ANGPTL8: variants seen among roughly 807,000 people sequenced by gnomAD.
The protein encoded by ANGPTL8 is angiopoietin-like protein 8.
Under a neutral mutation model 22.6 loss-of-function variants are expected in ANGPTL8, and 24 were observed. The observed-to-expected ratio is 1.06, with a 90% CI of 0.77 to 1.49. The LOEUF is 1.49. Among genes scored for constraint, ANGPTL8 ranks in the 40% most tolerant of loss-of-function variants. The pLI is 0.00. For synonymous variants in ANGPTL8, 88 were observed against 113.4 expected, an observed-to-expected ratio of 0.78 and a Z score of 1.42; for missense variants, 230 against 259.6, an observed-to-expected ratio of 0.89 and a Z score of 0.78.
Position 11,239,722 on chromosome 19 carries a change from C to G in ANGPTL8, c.85C>G (p.Leu29Val). 1 of 1,613,548 alleles carries G rather than the reference C, an allele frequency of 6.2e-7. No homozygotes were observed. The highest frequency in any genetic ancestry group is 8.5e-7 in the Non-Finnish European group (1 of 1,179,800). Residue 29 changes from leucine to valine, a missense_variant, in exon 1 of 4, where the codon CTG becomes GTG. Transcript: ENST00000252453. ...ASAAPMGGPE[L>V]AQHEELTLLF... The stretch of plus-strand genomic sequence containing the variant: ...AGCGGCCCCCATGGGCGGCCCAGAA[C>G]TGGCACAGCATGAGGAGCTGACCCT...
chr19:11,240,327 A>G, intron 2 of ANGPTL8, 31 bp downstream of exon 2: 1 of 1,511,138 alleles, frequency 6.6e-7, no homozygotes, highest in East Asian at 2.4e-5. Context: ...TAGTGGGCTG[A>G]GACCCTGATT....
Sources: gnomAD v4.1 joint callset for allele counts on GRCh38, gnomAD v4.1.1 for gene constraint, MANE v1.5 for transcripts, NCBI Gene and HGNC (gene_info 2026-07-23, HGNC 2026-07-21) for gene names.